Variants in TBC1D32 observed in about 807,000 individuals in gnomAD.
TBC1D32 encodes the protein protein broad-minded.
Under a neutral mutation model 170.3 loss-of-function variants are expected in TBC1D32, and 151 were observed. The observed-to-expected ratio is 0.89, with a 90% CI of 0.78 to 1.01. TBC1D32 has a LOEUF of 1.01. Among genes scored for constraint, TBC1D32 ranks in the 50% least tolerant of loss-of-function variants. The pLI is 0.00. For synonymous variants in TBC1D32, 498 were observed against 488.0 expected, an observed-to-expected ratio of 1.02 and a Z score of -0.27; for missense variants, 1,464 against 1,457.1, an observed-to-expected ratio of 1.00 and a Z score of -0.08.
intron 22 of TBC1D32, among the ~76,000 whole-genome samples, chr6:121,203,663 C>A (rs1302846299): frequency 1.3e-5 from 2 of 151,104 alleles, no homozygotes; most frequent in Admixed American, 1.3e-4. Flanking sequence ...ATGTAATTAT[C>A]CTCCACTTTA....
chr6:121,256,419 T>G, intron 15 of TBC1D32, 134 bp from the exon 16 acceptor site: 1 of 682,582 alleles, frequency 1.5e-6, no homozygotes, highest in Non-Finnish European at 2.4e-6. Context: ...ATATTCACGT[T>G]CCCACCCATG....
chr6:121,287,318 C>G (rs1282943679), intron 12 of TBC1D32, among the ~76,000 whole-genome samples: 1 of 151,808 alleles, frequency 6.6e-6, no homozygotes, highest in African/African-American at 2.4e-5. Context: ...ATCTACCAAG[C>G]AAATGGAAAA....
chr6:121,126,340 C>T (rs1238006823), intron 26 of TBC1D32, 38 bp downstream of exon 26: 3 of 1,450,920 alleles, frequency 2.1e-6, no homozygotes, highest in African/African-American at 1.4e-5. Flanking sequence ...TAGTTACATA[C>T]TGAGTCTTTT....
intron 24 of TBC1D32, among the ~76,000 whole-genome samples, chr6:121,149,676 G>T (rs1334512134): frequency 2.0e-5 from 3 of 152,118 alleles, no homozygotes; most frequent in African/African-American, 7.2e-5. Context: ...AGTATAGTTT[G>T]AAGTCAGGTA....
chr6:121,255,324 T>C lies in TBC1D32; in HGVS notation c.2018+4A>G. 1.3e-6 allele frequency: 2 copies of C among 1,538,292 alleles called. No homozygotes were observed. The highest frequency in any genetic ancestry group is 1.8e-6 in the Non-Finnish European group (2 of 1,130,206). Reference sequence around the variant, plus strand: ...AATGCATGACTTTCATCAATTGTACTTACATGTTTTGGGATTCCTGGCTTA... The same window carrying C: ...AATGCATGACTTTCATCAATTGTACCTACATGTTTTGGGATTCCTGGCTTA... On this transcript the variant is annotated splice_donor_region_variant and intron_variant, in intron 17 of 31. Coordinates refer to ENST00000398212, the MANE Select transcript of TBC1D32 (RefSeq NM_152730.6).
rs535817936 is a variant in TBC1D32, at chr6:121,321,742, T to G, written c.208A>C (p.Met70Leu). 7 of 1,614,000 alleles carry G rather than the reference T, an allele frequency of 4.3e-6. No individual in the cohort carries two copies. The Admixed American group carries it at 1.2e-4, about 27-fold the overall frequency. ...CATTTTTCCATTTCTTCTTCAATCATAGAACCCAAAGTGTTGCCTATATGC... is the reference window on the plus strand; with the variant it reads ...CATTTTTCCATTTCTTCTTCAATCAGAGAACCCAAAGTGTTGCCTATATGC... ...RQHIGNTLGSMIEEEMEKCTS... is the reference protein window; with the variant it reads ...RQHIGNTLGSLIEEEMEKCTS... The change falls in exon 2 of 32, where the codon ATG becomes CTG. Residue 70 changes from methionine to leucine, a missense_variant. Physicochemically the swap from Met to Leu is conservative, Grantham distance 15 (BLOSUM62 2). Around this residue, in one of 3 missense-constraint regions of TBC1D32, gnomAD observed 1,363 missense variants for 1,338.1 expected, o/e 1.02. Transcript: ENST00000398212.
chr6:121,151,869 T>C (rs1052142925), intron 24 of TBC1D32, among the ~76,000 whole-genome samples: 3 of 152,220 alleles, frequency 2.0e-5, no homozygotes, highest in Non-Finnish European at 4.4e-5. Context: ...TCTTCGTCCA[T>C]GCCTTTATTT....
At position 121,090,860 on chromosome 6, in the gene TBC1D32, A is replaced by G. The variant is rs772052026; in HGVS notation, c.3647T>C (p.Phe1216Ser). ...CCATATAAACATACTTACTTTTAGGAAAACTTGCAGATCTTGAGTCTGAGT... is the reference window on the plus strand; with the variant it reads ...CCATATAAACATACTTACTTTTAGGGAAACTTGCAGATCTTGAGTCTGAGT... Reference protein sequence around the residue: ...QHTQTQDLQVFLKEEALHGFR... With the variant: ...QHTQTQDLQVSLKEEALHGFR... Residue 1216 changes from phenylalanine to serine, a missense_variant, in exon 31 of 32, where the codon TTC (phenylalanine) becomes TCC (serine). Physicochemically the swap from Phe to Ser is radical, Grantham distance 155. Around this residue, in one of 3 missense-constraint regions of TBC1D32, gnomAD observed 97 missense variants for 102.0 expected, o/e 0.95. Coordinates refer to ENST00000398212, the MANE Select transcript of TBC1D32 (RefSeq NM_152730.6). The G allele has an allele frequency of 6.2e-7, 1 of 1,608,972 alleles. No homozygotes were observed. The highest frequency in any genetic ancestry group is 8.5e-7 in the Non-Finnish European group (1 of 1,178,736).
At chr6:121,172,273 C>G (rs1428127561) in intron 22 of TBC1D32, among the ~76,000 whole-genome samples, 2 of 152,098 alleles carry the variant, frequency 1.3e-5, no homozygotes, top group African/African-American at 4.8e-5. Context: ...TAGACTAATA[C>G]AGTAAATTTT....
intron 26 of TBC1D32, among the ~76,000 whole-genome samples, chr6:121,120,861 CTTTGT>C (rs1429270047): frequency 6.6e-6 from 1 of 151,792 alleles, no homozygotes; most frequent in Non-Finnish European, 1.5e-5. Flanking sequence ...CTTCTCATTT[CTTTGT>C]TTTAATTCTC....
At chr6:121,248,885 A>G (rs1276073807) in intron 17 of TBC1D32, among the ~76,000 whole-genome samples, 1 of 151,950 alleles carries the variant, frequency 6.6e-6, no homozygotes, top group African/African-American at 2.4e-5. Context: ...TTCAAAGAGA[A>G]ACAGTACCAA....
chr6:121,260,353 T>C lies in TBC1D32; in HGVS notation c.1734-4068A>G, dbSNP rs538538188. 7.5e-4 allele frequency among the ~76,000 whole-genome samples: 114 copies of C among 151,274 alleles called. 1 individual carries two copies. The highest frequency in any genetic ancestry group is 2.1e-3 in the South Asian group (10 of 4,774). ...AAAAGAACTTACACTCAAAAAAAAA[T>C]GGGGGCAGGAGGCAAATGGCCAACT... is the stretch of plus-strand genomic sequence containing the variant. On this transcript the variant is annotated intron_variant, in intron 15 of 31. Coordinates refer to ENST00000398212, the MANE Select transcript of TBC1D32 (RefSeq NM_152730.6).
chr6:121,270,911 C>G (rs12525057), intron 15 of TBC1D32, among the ~76,000 whole-genome samples: 1 of 152,014 alleles, frequency 6.6e-6, no homozygotes, highest in Non-Finnish European at 1.5e-5. Context: ...AGCTTATCCA[C>G]CACAAACAAG....
chr6:121,276,409 C>T (rs917714956), intron 15 of TBC1D32, among the ~76,000 whole-genome samples: 5 of 151,470 alleles, frequency 3.3e-5, no homozygotes, highest in Non-Finnish European at 7.4e-5. Flanking sequence ...TAATAGCAAC[C>T]ATTAAAAAGA....
intron 15 of TBC1D32, among the ~76,000 whole-genome samples, chr6:121,257,783 AATTGTCC>A (rs141711628): frequency 0.024 from 3,635 of 152,088 alleles, 159 homozygotes; most frequent in East Asian, 0.12. Context: ...CTGATTCTCA[AATTGTCC>A]ATCTTAAGCC....
In TBC1D32 at chr6:121,251,636, T is replaced by C. The variant is rs143562198; in HGVS notation, c.2018+3692A>G. ...AACCTAGGCAATACCATTCAGGACATAGGCATGGGCAAAAACTTCATGACT... is the reference window on the plus strand; with the variant it reads ...AACCTAGGCAATACCATTCAGGACACAGGCATGGGCAAAAACTTCATGACT... On this transcript the variant is annotated intron_variant, in intron 17 of 31. Coordinates refer to ENST00000398212, the MANE Select transcript of TBC1D32 (RefSeq NM_152730.6). Among the ~76,000 whole-genome samples the C allele has an allele frequency of 8.9e-3, 1,351 of 152,222 alleles. 24 individuals are homozygous for C. The highest frequency in any genetic ancestry group is 0.031 in the African/African-American group (1,274 of 41,544).
intron 26 of TBC1D32, among the ~76,000 whole-genome samples, chr6:121,116,165 A>G (rs1249526241): frequency 1.3e-5 from 2 of 151,846 alleles, no homozygotes; most frequent in South Asian, 2.1e-4. Context: ...TCAGAATATC[A>G]TGAAGTTTTT....
intron 21 of TBC1D32, among the ~76,000 whole-genome samples, chr6:121,212,316 C>T (rs1793169683): frequency 6.6e-6 from 1 of 152,120 alleles, no homozygotes; most frequent in Admixed American, 6.5e-5. Context: ...TGGTATCATT[C>T]CTAATAAAAT....
At chr6:121,314,035 A>T (rs1445981390) in intron 3 of TBC1D32, among the ~76,000 whole-genome samples, 1 of 152,326 alleles carries the variant, frequency 6.6e-6, no homozygotes, top group East Asian at 1.9e-4. Flanking sequence ...TAAGGAAAAA[A>T]ACCTACTCAA....
Sources: allele counts gnomAD v4.1 joint callset (sites outside exome capture counted in the v4.1 genomes callset), GRCh38; gene constraint gnomAD v4.1.1; regional missense constraint gnomAD v4.1.1; transcripts MANE v1.5; gene names NCBI Gene and HGNC (gene_info 2026-07-23, HGNC 2026-07-21).